The following GRM4 variants were observed in gnomAD, a reference collection of about 807,000 sequenced individuals.
GRM4 encodes metabotropic glutamate receptor 4.
In GRM4, 28 loss-of-function variants were observed where a neutral mutation model predicts 81.7. The ratio of observed to expected loss-of-function variants is 0.34; its 90% CI spans 0.25 to 0.47. GRM4 has a LOEUF of 0.47. Among genes scored for constraint, GRM4 ranks in the 20% least tolerant of loss-of-function variants. The pLI, the probability that GRM4 is intolerant of heterozygous loss-of-function variation, is 1.00. For missense variants in GRM4, 948 were observed against 1,290.0 expected, an observed-to-expected ratio of 0.73 and a Z score of 4.06; for synonymous variants, 488 against 528.8, an observed-to-expected ratio of 0.92 and a Z score of 1.06.
At chr6:34,084,012 T>G (rs1371117299) in intron 3 of GRM4, among the ~76,000 whole-genome samples, 1 of 152,124 alleles carries the variant, frequency 6.6e-6, no homozygotes, top group African/African-American at 2.4e-5. Flanking sequence ...TTTCCAGCAC[T>G]CCTCTGAGAG....
intron 1 of GRM4, among the ~76,000 whole-genome samples, chr6:34,141,986 T>A (rs1770714032): frequency 6.6e-6 from 1 of 152,150 alleles, no homozygotes; most frequent in African/African-American, 2.4e-5. Flanking sequence ...AAAAGCAGCC[T>A]GCACTCTACA....
rs1766599843 is a variant in GRM4 at position 34,068,437 on chromosome 6, G to A, written c.737-6409C>T. Among the ~76,000 whole-genome samples, 1 of 152,126 alleles carries A rather than the reference G, an allele frequency of 6.6e-6. No individual in the cohort carries two copies. The highest frequency in any genetic ancestry group is 2.1e-4 in the South Asian group (1 of 4,836). ...GCCTGAGGTGAGCTTAGGTTTACAGGAGGTCTGACCGTGGCAGGACCCTCT... is the reference window on the plus strand; with the variant it reads ...GCCTGAGGTGAGCTTAGGTTTACAGAAGGTCTGACCGTGGCAGGACCCTCT... On this transcript the variant is annotated intron_variant, in intron 3 of 10. Coordinates refer to ENST00000538487, the MANE Select transcript of GRM4 (RefSeq NM_000841.4). This position sits in a 1 kb window ranked among gnomAD's most constrained non-coding sequence, Gnocchi z 4.2.
intron 3 of GRM4, among the ~76,000 whole-genome samples, chr6:34,084,718 G>T (rs1480641910): frequency 3.9e-5 from 6 of 152,220 alleles, no homozygotes. Flanking sequence ...GGCCACAGGA[G>T]CTCCAACCCA....
chr6:34,093,421 G>C lies in GRM4; in HGVS notation c.520-1322C>G, dbSNP rs537021901. ...AACAAAGACTTTATTGAGCACCTAT[G>C]ATGTCCTAAGTGCTGAGGACAGCAG... On this transcript the variant is annotated intron_variant, in intron 2 of 10. Coordinates refer to ENST00000538487, the MANE Select transcript of GRM4 (RefSeq NM_000841.4). Among the ~76,000 whole-genome samples the C allele has an allele frequency of 4.6e-5, 7 of 152,362 alleles. No individual in the cohort carries two copies. The South Asian group carries it at 1.2e-3, about 27-fold the overall frequency.
At chr6:34,148,054 G>GC (rs1179849617), upstream of GRM4, among the ~76,000 whole-genome samples, 1 of 71,998 alleles carries the variant, frequency 1.4e-5, no homozygotes, top group African/African-American at 6.1e-5. Flanking sequence ...CCCACCCCCC[G>GC]CCCCCCACCA....
chr6:34,026,535 C>A (rs1318203875), intron 10 of GRM4, among the ~76,000 whole-genome samples: 1 of 152,088 alleles, frequency 6.6e-6, no homozygotes, highest in Non-Finnish European at 1.5e-5. Flanking sequence ...ATGGGGGCTG[C>A]CCCACAGCCT....
intron 2 of GRM4, among the ~76,000 whole-genome samples, chr6:34,102,606 T>C (rs1466618186): frequency 6.6e-6 from 1 of 152,222 alleles, no homozygotes; most frequent in African/African-American, 2.4e-5. Context: ...CCTCCTCTGC[T>C]TTGATTTTCT....
At chr6:34,043,944 C>T (rs1306506902) in intron 6 of GRM4, among the ~76,000 whole-genome samples, 1 of 152,086 alleles carries the variant, frequency 6.6e-6, no homozygotes, top group Non-Finnish European at 1.5e-5. Flanking sequence ...GCCTCCTGGA[C>T]TTTTGTCTCA....
chr6:34,062,231 G>A lies in GRM4; in HGVS notation c.737-203C>T, dbSNP rs137958750. The A allele has an allele frequency of 1.3e-3, 658 of 510,974 alleles. 1 individual carries two copies. Among genetic ancestry groups the A allele is most frequent in the Admixed American group, 3.9e-3 (117 of 30,034 alleles). The allele number at this position is 510,974 out of a possible 1,614,324, so 31.7% of individuals were successfully genotyped here. On this transcript the variant is annotated intron_variant, in intron 3 of 10. Transcript: ENST00000538487. ...CCAGTCTTGGCTCCACTTACCAGCTGGTGACCCTGGATATGTCACTTAAGT... is the reference window on the plus strand; with the variant it reads ...CCAGTCTTGGCTCCACTTACCAGCTAGTGACCCTGGATATGTCACTTAAGT...
At chr6:34,095,974 G>A (rs1768498433) in intron 2 of GRM4, among the ~76,000 whole-genome samples, 1 of 152,206 alleles carries the variant, frequency 6.6e-6, no homozygotes, top group Admixed American at 6.5e-5. Context: ...CCGAGCAGGA[G>A]GGGGACGTGC....
At chr6:34,044,291 G>GACAT (rs1314415953) in intron 6 of GRM4, among the ~76,000 whole-genome samples, 8 of 80,862 alleles carry the variant, frequency 9.9e-5, no homozygotes, top group East Asian at 4.2e-4. Context: ...CACACACATA[G>GACAT]ACATACATAC....
At chr6:34,093,434 C>T (rs879763927) in intron 2 of GRM4, among the ~76,000 whole-genome samples, 1 of 152,236 alleles carries the variant, frequency 6.6e-6, no homozygotes, top group Non-Finnish European at 1.5e-5. Context: ...GTCCTAAGTG[C>T]TGAGGACAGC....
At chr6:34,103,833 A>G in intron 2 of GRM4, 1 of 1,429,226 alleles carries the variant, frequency 7.0e-7, no homozygotes, top group Non-Finnish European at 9.1e-7. Context: ...ACGGTGAAAG[A>G]CTGGGATGTG....
chr6:34,027,999 C>A, intron 10 of GRM4, 121 bp downstream of exon 10: 1 of 1,151,518 alleles, frequency 8.7e-7, no homozygotes, highest in Non-Finnish European at 1.2e-6. Context: ...TGTCCCCCGC[C>A]GCCTCCCCAG....
chr6:34,153,236 G>A (rs1561841649), intron 1 of GRM4, among the ~76,000 whole-genome samples: 1 of 152,148 alleles, frequency 6.6e-6, no homozygotes, highest in Non-Finnish European at 1.5e-5. Flanking sequence ...CTACCTCCGG[G>A]ATCTGCATCA....
At chr6:34,071,460 CAG>C (rs1195208046) in intron 3 of GRM4, among the ~76,000 whole-genome samples, 1 of 107,940 alleles carries the variant, frequency 9.3e-6, no homozygotes, top group Non-Finnish European at 2.0e-5. Flanking sequence ...CACATCACCA[CAG>C]AGATACACAC....
chr6:34,126,584 A>G (rs1203138594), intron 2 of GRM4, among the ~76,000 whole-genome samples: 1 of 152,174 alleles, frequency 6.6e-6, no homozygotes, highest in Non-Finnish European at 1.5e-5. Context: ...TATCCAGGTG[A>G]CCCTGGATAC....
chr6:34,044,974 G>A (rs1201526306), intron 6 of GRM4, among the ~76,000 whole-genome samples: 2 of 148,976 alleles, frequency 1.3e-5, no homozygotes, highest in African/African-American at 2.5e-5. Flanking sequence ...ACACATACAC[G>A]CACACACAGA....
chr6:34,077,788 A>C (rs955096596), intron 3 of GRM4, among the ~76,000 whole-genome samples: 6 of 152,176 alleles, frequency 3.9e-5, no homozygotes, highest in African/African-American at 1.4e-4. Context: ...TTAAGGATTC[A>C]GCTCGGGCCT....
Sources: allele counts gnomAD v4.1 joint callset (sites outside exome capture counted in the v4.1 genomes callset), GRCh38; gene constraint gnomAD v4.1.1; non-coding constraint Gnocchi (gnomAD v3.1); transcripts MANE v1.5; gene names NCBI Gene and HGNC (gene_info 2026-07-23, HGNC 2026-07-21).